Variants in HYDIN observed in about 807,000 individuals in gnomAD.
HYDIN encodes axonemal central pair apparatus protein HYDIN.
HYDIN carries 132 observed loss-of-function variants against 403.9 expected under a neutral mutation model. That is an observed-to-expected ratio of 0.33 (90% CI 0.28 to 0.38). HYDIN has a LOEUF of 0.38. Among genes scored for constraint, HYDIN ranks in the 10% least tolerant of loss-of-function variants. The pLI, the probability that HYDIN is intolerant of heterozygous loss-of-function variation, is 1.00. For missense variants in HYDIN, 2,827 were observed against 5,009.5 expected, an observed-to-expected ratio of 0.56 and a Z score of 13.15; for synonymous variants, 1,202 against 1,891.7, an observed-to-expected ratio of 0.64 and a Z score of 9.46.
chr16:71,080,991 T>A (rs1597730703), intron 12 of HYDIN: 1 of 151,884 alleles, frequency 6.6e-6, no homozygotes, highest in Non-Finnish European at 1.5e-5. Flanking sequence ...GGTTAGGAAA[T>A]GGGTTCCCCT....
At chr16:70,872,566 C>T (rs923512759) in intron 64 of HYDIN, among the ~76,000 whole-genome samples, 4 of 149,024 alleles carry the variant, frequency 2.7e-5, no homozygotes, top group Admixed American at 2.0e-4. Flanking sequence ...CACCCTCCCC[C>T]ATCCTGCCAT....
intron 21 of HYDIN, among the ~76,000 whole-genome samples, chr16:71,021,760 T>C (rs892020185): frequency 2.6e-5 from 4 of 152,180 alleles, no homozygotes; most frequent in Admixed American, 6.5e-5. Flanking sequence ...CTAGGCCTCC[T>C]TGTTTTCATT....
intron 7 of HYDIN, among the ~76,000 whole-genome samples, chr16:71,151,307 T>C (rs1417747774): frequency 6.6e-6 from 1 of 152,006 alleles, no homozygotes; most frequent in Non-Finnish European, 1.5e-5. Flanking sequence ...TGCTGAGCAA[T>C]GTGGAGCTAG....
intron 7 of HYDIN, among the ~76,000 whole-genome samples, chr16:71,146,028 T>C (rs370845781): frequency 6.6e-6 from 1 of 152,128 alleles, no homozygotes; most frequent in African/African-American, 2.4e-5. Context: ...CCCCAACATA[T>C]GTAGAGTTGT....
At chr16:71,171,841 T>G (rs1301627189) in intron 5 of HYDIN, among the ~76,000 whole-genome samples, 5 of 152,240 alleles carry the variant, frequency 3.3e-5, no homozygotes, top group African/African-American at 1.2e-4. Context: ...AACTTCTTTA[T>G]ATTTTCTTAG....
Position 70,832,864 on chromosome 16 carries a change from G to T in HYDIN, c.13883C>A (p.Pro4628Gln). 2 of 1,610,382 alleles carry T rather than the reference G, an allele frequency of 1.2e-6. No individual in the cohort carries two copies. The highest frequency in any genetic ancestry group is 1.7e-6 in the Non-Finnish European group (2 of 1,177,626). The change falls in exon 80 of 86, where the codon CCA (proline) becomes CAA (glutamine). Residue 4628 changes from proline to glutamine, a missense_variant. Pro to Gln is a moderately conservative substitution (Grantham distance 76, BLOSUM62 -1). Transcript: ENST00000393567. Reference sequence around the variant, plus strand: ...GCTACTAACCTCTTTTACCGCAGGTGGTCCCACGCAGACTCCAGACAGGGT... The same window carrying T: ...GCTACTAACCTCTTTTACCGCAGGTTGTCCCACGCAGACTCCAGACAGGGT... The part of the protein sequence containing the change: ...SLTLSGVCVG[P>Q]PAVKEVVNFT...
Position 70,952,513 on chromosome 16 carries a change from G to A in HYDIN, c.6439C>T (p.Arg2147Cys), listed in dbSNP as rs370204963. 23 of 1,604,944 alleles carry A rather than the reference G, an allele frequency of 1.4e-5. No individual in the cohort carries two copies. The highest frequency in any genetic ancestry group is 1.8e-5 in the Non-Finnish European group (21 of 1,177,182). The change falls in exon 41 of 86, where the codon CGT becomes TGT. Residue 2147 changes from arginine (R) to cysteine (C), a missense_variant. Arg to Cys is a radical substitution (Grantham distance 180, BLOSUM62 -3). Coordinates refer to ENST00000393567, the MANE Select transcript of HYDIN (RefSeq NM_001270974.2). ...APEIKPGKSV[R>C]GSVVITKSKA... ...CTTTTGGTGATCACCACGCTCCCAC[G>A]AACACTCTTTCCAGGTTTAATTTCT... is the stretch of plus-strand genomic sequence containing the variant.
At position 70,868,582 on chromosome 16, in the gene HYDIN, A is replaced by T; in HGVS notation, c.11298T>A (p.Thr3766=). 1.2e-6 allele frequency: 2 copies of T among 1,611,510 alleles called. No homozygotes were observed. Among genetic ancestry groups the T allele is most frequent in the East Asian group, 4.5e-5 (2 of 44,768 alleles). The change falls in exon 66 of 86, where the codon ACT becomes ACA. Residue 3766 remains threonine (T), a synonymous_variant. Coordinates refer to ENST00000393567, the MANE Select transcript of HYDIN (RefSeq NM_001270974.2). ...TGTCCCCACTTACTTTTCGTTTTGT[A>T]GTGAAAGTCCCAGGCATGTTTCTGG... ...DVPRNMPGTF[T]TKRKVIETDP... is the part of the protein sequence containing the mutation.
intron 1 of HYDIN, among the ~76,000 whole-genome samples, chr16:71,220,753 T>C (rs1182261497): frequency 2.6e-5 from 4 of 152,204 alleles, no homozygotes; most frequent in African/African-American, 9.6e-5. Flanking sequence ...CATGTTTACA[T>C]TTCTAAGGTA....
At position 71,074,077 on chromosome 16, in the gene HYDIN, A is replaced by G. The variant is rs2082553537; in HGVS notation, c.1739-4575T>C. Among the ~76,000 whole-genome samples the G allele has an allele frequency of 2.6e-5, 4 of 152,218 alleles. No individual in the cohort carries two copies. The South Asian group carries it at 6.2e-4, about 24-fold the overall frequency. On this transcript the variant is annotated intron_variant, in intron 13 of 85. Coordinates refer to ENST00000393567, the MANE Select transcript of HYDIN (RefSeq NM_001270974.2). ...TGCCACATCTCCAACACTAATCTAT[A>G]ACAGACTCCTTTTTAGGAATGGAAC...
At chr16:70,820,546 T>TTATTTTTCA (rs1437632500) in intron 83 of HYDIN, among the ~76,000 whole-genome samples, 4 of 151,314 alleles carry the variant, frequency 2.6e-5, no homozygotes, top group Admixed American at 1.3e-4. Context: ...CTTGTCCCTT[T>TTATTTTTCA]TATTTTTCAT....
intron 4 of HYDIN, among the ~76,000 whole-genome samples, chr16:71,177,824 A>T (rs959845386): frequency 1.3e-5 from 2 of 152,142 alleles, no homozygotes; most frequent in Admixed American, 6.5e-5. Flanking sequence ...ACTTTCTTTC[A>T]TTATTGTTAA....
intron 23 of HYDIN, among the ~76,000 whole-genome samples, chr16:71,009,144 C>G (rs1191991082): frequency 6.7e-6 from 1 of 150,204 alleles, no homozygotes; most frequent in Non-Finnish European, 1.5e-5. Flanking sequence ...TCCTAGGACT[C>G]TACTTCCTCC....
intron 1 of HYDIN, among the ~76,000 whole-genome samples, chr16:71,204,305 A>C (rs1418245738): frequency 6.6e-6 from 1 of 152,236 alleles, no homozygotes; most frequent in Non-Finnish European, 1.5e-5. Flanking sequence ...CTTTTAATAA[A>C]GCCAGCTATA....
chr16:71,083,513 T>C (rs1477374542), intron 12 of HYDIN, among the ~76,000 whole-genome samples: 1 of 136,656 alleles, frequency 7.3e-6, no homozygotes, highest in Non-Finnish European at 1.6e-5. Context: ...TGCTGATAAA[T>C]CATTTTCTAA....
At chr16:70,921,335 C>T (rs1247830655) in intron 45 of HYDIN, 118 bp from the exon 46 acceptor site, 3 of 923,880 alleles carry the variant, frequency 3.2e-6, no homozygotes, top group Non-Finnish European at 4.9e-6. Flanking sequence ...ATCTGGGCAC[C>T]TCCCCTGCAC....
At chr16:71,003,012 A>G (rs1199209996) in intron 23 of HYDIN, among the ~76,000 whole-genome samples, 1 of 152,082 alleles carries the variant, frequency 6.6e-6, no homozygotes, top group East Asian at 1.9e-4. Context: ...TATAGATGAC[A>G]TATTGTTTCT....
At chr16:70,986,727 T>C (rs2079203679) in intron 27 of HYDIN, among the ~76,000 whole-genome samples, 1 of 137,342 alleles carries the variant, frequency 7.3e-6, no homozygotes, top group African/African-American at 2.8e-5. Context: ...GCAAAGACTA[T>C]CATTAAGTGC....
chr16:71,217,084 C>T (rs750785645), intron 1 of HYDIN, among the ~76,000 whole-genome samples: 48 of 152,332 alleles, frequency 3.2e-4, no homozygotes, highest in Non-Finnish European at 6.6e-4. Context: ...TTAAATGATG[C>T]TTTCTATCCA....
Sources: gnomAD v4.1 joint callset for allele counts (sites outside exome capture counted in the v4.1 genomes callset) on GRCh38, gnomAD v4.1.1 for gene constraint, MANE v1.5 for transcripts, NCBI Gene and HGNC (gene_info 2026-07-23, HGNC 2026-07-21) for gene names.